Variants in KCTD1 observed in about 807,000 individuals in gnomAD.
KCTD1 encodes potassium channel tetramerization domain containing 1.
Under a neutral mutation model 66.0 loss-of-function variants are expected in KCTD1, and 24 were observed. The observed-to-expected ratio is 0.36, with a 90% confidence interval of 0.26 to 0.51. KCTD1 has a LOEUF of 0.51. Ranked by LOEUF, KCTD1 falls within the 20% of genes least tolerant of loss-of-function variation. The pLI is 0.95. For synonymous variants in KCTD1, 511 were observed against 517.2 expected (o/e 0.99, Z 0.16); for missense variants, 943 against 1,205.2 (o/e 0.78, Z 3.22).
At chr18:26,528,125 CTTATT>C (rs1489601158) in intron 1 of KCTD1, among the ~76,000 whole-genome samples, 1 of 152,174 alleles carries the variant, frequency 6.6e-6, no homozygotes, top group East Asian at 1.9e-4. Flanking sequence ...AGACGGTGCT[CTTATT>C]TTATTAGCTT....
intron 1 of KCTD1, among the ~76,000 whole-genome samples, chr18:26,603,119 A>G (rs966333056): frequency 1.3e-5 from 2 of 152,122 alleles, no homozygotes; most frequent in African/African-American, 4.8e-5. Flanking sequence ...ACAAAAATCA[A>G]CTCAAGATAG....
chr18:26,471,572 C>T (rs1981062830), intron 3 of KCTD1, among the ~76,000 whole-genome samples: 2 of 151,734 alleles, frequency 1.3e-5, no homozygotes, highest in African/African-American at 4.8e-5. Context: ...AGGATGGTGG[C>T]AGGGAGAGAG....
chr18:26,609,448 G>A (rs1987087505), intron 1 of KCTD1, among the ~76,000 whole-genome samples: 1 of 152,168 alleles, frequency 6.6e-6, no homozygotes, highest in African/African-American at 2.4e-5. Flanking sequence ...GAGGTTAATG[G>A]GACCATATTA....
Position 26,546,748 on chromosome 18 carries a change from C to A in KCTD1, c.1789G>T (p.Ala597Ser). Reference sequence around the variant, plus strand: ...GTTACCTGGGTGGGGGAAACAATAGCAGGTGAAACTATTGTGGGAGAATTG... The same window carrying A: ...GTTACCTGGGTGGGGGAAACAATAGAAGGTGAAACTATTGTGGGAGAATTG... ...STNSPTIVSP[A>S]IVSPTQDSRP... is the part of the protein sequence containing the mutation. Residue 597 changes from alanine (A) to serine (S), a missense_variant, in exon 1 of 5, where the codon GCT becomes TCT. By Grantham distance (99) the Ala-to-Ser change is moderately conservative. Around this residue, in one of 10 missense-constraint regions of KCTD1, gnomAD observed 197 missense variants for 182.7 expected, o/e 1.08. Coordinates refer to ENST00000580059, the MANE Select transcript of KCTD1 (RefSeq NM_001142730.3). 6.5e-7 allele frequency: 1 copy of A among 1,549,400 alleles called. No individual in the cohort carries two copies. The highest frequency in any genetic ancestry group is 8.7e-7 in the Non-Finnish European group (1 of 1,146,208).
At chr18:26,549,028 G>A, upstream of KCTD1, 2 of 985,158 alleles carry the variant, frequency 2.0e-6, no homozygotes, top group Non-Finnish European at 1.2e-6. Context: ...CGGAGCCGGG[G>A]GGTCGGGGCG....
At chr18:26,493,397 G>T (rs1982306906) in intron 2 of KCTD1, among the ~76,000 whole-genome samples, 1 of 112,046 alleles carries the variant, frequency 8.9e-6, no homozygotes, top group African/African-American at 2.8e-5. Flanking sequence ...GAACAAAGAT[G>T]TATTTTTTGG....
chr18:26,494,882 T>C (rs1982388321), intron 2 of KCTD1, among the ~76,000 whole-genome samples: 1 of 152,200 alleles, frequency 6.6e-6, no homozygotes, highest in South Asian at 2.1e-4. Flanking sequence ...AGACTTTTCA[T>C]AGCAGCAGGG....
At chr18:26,485,679 C>T (rs1981879429) in intron 2 of KCTD1, among the ~76,000 whole-genome samples, 1 of 152,044 alleles carries the variant, frequency 6.6e-6, no homozygotes, top group Non-Finnish European at 1.5e-5. Context: ...TTTTCCCTTG[C>T]TTTTTATTTG....
intron 1 of KCTD1, among the ~76,000 whole-genome samples, chr18:26,535,253 A>T (rs898363268): frequency 5.9e-5 from 9 of 152,176 alleles, no homozygotes; most frequent in African/African-American, 2.2e-4. Flanking sequence ...ACTGCATCAG[A>T]ACTGCATTCC....
intron 1 of KCTD1, among the ~76,000 whole-genome samples, chr18:26,611,235 AT>A (rs888665856): frequency 6.6e-6 from 1 of 150,982 alleles, no homozygotes; most frequent in Admixed American, 6.6e-5. Context: ...ATCTTCATCT[AT>A]TTTTTTTCAC....
chr18:26,513,726 G>A (rs1983477520), intron 1 of KCTD1, among the ~76,000 whole-genome samples: 1 of 152,150 alleles, frequency 6.6e-6, no homozygotes, highest in African/African-American at 2.4e-5. Flanking sequence ...ACTAGTCTAT[G>A]ATTTTTAAAA....
chr18:26,592,467 T>C (rs547962090), intron 1 of KCTD1, among the ~76,000 whole-genome samples: 23 of 152,064 alleles, frequency 1.5e-4, no homozygotes, highest in African/African-American at 5.3e-4. Context: ...CATCATTCCA[T>C]GTCCTCCAAT....
intron 2 of KCTD1, among the ~76,000 whole-genome samples, chr18:26,500,032 C>T (rs938971404): frequency 6.6e-6 from 1 of 152,156 alleles, no homozygotes; most frequent in South Asian, 2.1e-4. Flanking sequence ...GTAATCCCAG[C>T]GCTTTGGCCA....
At chr18:26,601,344 A>G (rs938726883) in intron 1 of KCTD1, among the ~76,000 whole-genome samples, 1 of 151,374 alleles carries the variant, frequency 6.6e-6, no homozygotes, top group African/African-American at 2.4e-5. Flanking sequence ...AAAAAAAAAA[A>G]AAAAAGAAAG....
At chr18:26,482,355 C>A (rs1304158851) in intron 2 of KCTD1, among the ~76,000 whole-genome samples, 1 of 152,142 alleles carries the variant, frequency 6.6e-6, no homozygotes, top group Non-Finnish European at 1.5e-5. Flanking sequence ...CCCCAAGACT[C>A]CTGAGGTTCC....
chr18:26,529,060 C>T (rs1387065084), intron 1 of KCTD1, among the ~76,000 whole-genome samples: 3 of 152,198 alleles, frequency 2.0e-5, no homozygotes, highest in Non-Finnish European at 4.4e-5. Flanking sequence ...AACATTTCCA[C>T]CTAGTCACAC....
upstream of KCTD1, among the ~76,000 whole-genome samples, chr18:26,642,696 C>T (rs1987854575): frequency 6.6e-6 from 1 of 152,130 alleles, no homozygotes; most frequent in Admixed American, 6.5e-5. Flanking sequence ...TGTTTGAGGT[C>T]AGTTAAGTAG....
upstream of KCTD1, among the ~76,000 whole-genome samples, chr18:26,552,637 A>C (rs1169554327): frequency 1.3e-5 from 2 of 152,234 alleles, no homozygotes; most frequent in Non-Finnish European, 2.9e-5. Context: ...TTCCCTCTCT[A>C]GTGGAACATG....
chr18:26,548,268 TC>T lies in KCTD1; in HGVS notation c.268del (p.Glu90ArgfsTer33). Reference protein sequence around the residue: ...DGGGGLEEDEEEEEEEEMGLD... With the variant: ...DGGGGLEEDEXEEEEEEMGLD... ...CCCCATCTCCTCCTCTTCCTCCTCC[TC>T]CTCGTCCTCCTCCAGCCCCCCACCT... On this transcript the variant is annotated frameshift_variant, in exon 1 of 5. Transcript: ENST00000580059. LOFTEE classifies it high-confidence loss of function. 1 of 1,512,844 alleles carries T rather than the reference TC, an allele frequency of 6.6e-7. No individual in the cohort carries two copies. Among genetic ancestry groups the T allele is most frequent in the South Asian group, 1.2e-5 (1 of 81,054 alleles). The allele number at this position is 1,512,844 out of a possible 1,614,324, so 93.7% of individuals were successfully genotyped here. A position where few individuals can be genotyped will look rare whatever the true frequency, so the allele number is the denominator to read the frequency against.
Sources: gnomAD v4.1 joint callset for allele counts (sites outside exome capture counted in the v4.1 genomes callset) on GRCh38, gnomAD v4.1.1 for gene constraint, gnomAD v4.1.1 regional missense constraint, MANE v1.5 for transcripts, NCBI Gene and HGNC (gene_info 2026-07-23, HGNC 2026-07-21) for gene names.